Variants in CNTNAP5 observed in about 807,000 individuals in gnomAD.
The protein encoded by CNTNAP5 is contactin-associated protein-like 5.
CNTNAP5 carries 72 observed loss-of-function variants against 150.2 expected under a neutral mutation model. The ratio of observed to expected loss-of-function variants is 0.48; its 90% CI spans 0.40 to 0.58. CNTNAP5 has a LOEUF of 0.58. Among genes scored for constraint, CNTNAP5 ranks in the 20% least tolerant of loss-of-function variants. The pLI is 0.00. For synonymous variants in CNTNAP5, 672 were observed against 619.8 expected, an observed-to-expected ratio of 1.08 and a Z score of -1.25; for missense variants, 1,636 against 1,626.2, an observed-to-expected ratio of 1.01 and a Z score of -0.10.
chr2:124,545,138 T>A (rs1695482736), intron 10 of CNTNAP5, among the ~76,000 whole-genome samples: 1 of 152,178 alleles, frequency 6.6e-6, no homozygotes, highest in East Asian at 1.9e-4. Context: ...AAACACACAT[T>A]GTAATCTAAA....
intron 22 of CNTNAP5, among the ~76,000 whole-genome samples, chr2:124,905,698 G>A (rs1469471716): frequency 6.6e-6 from 1 of 152,136 alleles, no homozygotes; most frequent in Non-Finnish European, 1.5e-5. Context: ...AGAAGTGCTA[G>A]GGTTGGTCAG....
At chr2:124,909,834 T>TATATATATA (rs1319687549) in intron 22 of CNTNAP5, among the ~76,000 whole-genome samples, 6 of 130,434 alleles carry the variant, frequency 4.6e-5, no homozygotes, top group African/African-American at 1.6e-4. Flanking sequence ...GACATATATA[T>TATATATATA]ATATATATAT....
chr2:124,720,741 A>T (rs1376691437), intron 13 of CNTNAP5, among the ~76,000 whole-genome samples: 2 of 152,234 alleles, frequency 1.3e-5, no homozygotes, highest in Admixed American at 6.5e-5. Context: ...AATTTGCTAT[A>T]GCAAAGACAG....
chr2:124,658,653 T>G (rs1678509774), intron 13 of CNTNAP5, among the ~76,000 whole-genome samples: 1 of 152,224 alleles, frequency 6.6e-6, no homozygotes, highest in Non-Finnish European at 1.5e-5. Flanking sequence ...GGTATGAAAC[T>G]TCCCTAGGGT....
At chr2:124,606,207 T>C (rs1174026441) in intron 11 of CNTNAP5, among the ~76,000 whole-genome samples, 1 of 152,168 alleles carries the variant, frequency 6.6e-6, no homozygotes, top group Non-Finnish European at 1.5e-5. Flanking sequence ...ATTTACAATG[T>C]CATATCACCA....
At chr2:124,135,055 C>T (rs1010470788) in intron 1 of CNTNAP5, 13 of 152,168 alleles carry the variant, frequency 8.5e-5, no homozygotes, top group African/African-American at 3.1e-4. Context: ...CCATTTCTTT[C>T]CTTTACAAGC....
At chr2:124,564,496 C>T (rs1313714551) in intron 11 of CNTNAP5, among the ~76,000 whole-genome samples, 1 of 152,122 alleles carries the variant, frequency 6.6e-6, no homozygotes, top group East Asian at 1.9e-4. Flanking sequence ...TCTGGGATTA[C>T]AGGTGCACAC....
chr2:124,442,398 C>T (rs1692697568), intron 5 of CNTNAP5, among the ~76,000 whole-genome samples: 1 of 152,152 alleles, frequency 6.6e-6, no homozygotes, highest in Non-Finnish European at 1.5e-5. Context: ...AAATACCACC[C>T]TATCCAATTT....
At chr2:124,913,691 G>T (rs2104770966) in intron 23 of CNTNAP5, among the ~76,000 whole-genome samples, 1 of 152,154 alleles carries the variant, frequency 6.6e-6, no homozygotes, top group East Asian at 1.9e-4. Context: ...AGATGCTAAA[G>T]TAACTCTGAA....
chr2:124,561,631 A>G (rs544387497), intron 10 of CNTNAP5, among the ~76,000 whole-genome samples: 1 of 152,200 alleles, frequency 6.6e-6, no homozygotes, highest in South Asian at 2.1e-4. Context: ...CTATCGTTGA[A>G]TACCATAAAG....
intron 1 of CNTNAP5, among the ~76,000 whole-genome samples, chr2:124,157,961 G>T (rs1573799248): frequency 6.6e-6 from 1 of 152,150 alleles, no homozygotes; most frequent in Non-Finnish European, 1.5e-5. Context: ...AGAATAAACA[G>T]CTCATTTTAT....
chr2:124,519,580 C>A (rs1694808162), intron 8 of CNTNAP5, among the ~76,000 whole-genome samples: 1 of 152,198 alleles, frequency 6.6e-6, no homozygotes, highest in South Asian at 2.1e-4. Context: ...GCAGCCTCTC[C>A]ACTTTTCTCT....
intron 1 of CNTNAP5, among the ~76,000 whole-genome samples, chr2:124,104,051 A>G (rs1049859870): frequency 2.1e-4 from 31 of 148,522 alleles, no homozygotes; most frequent in Admixed American, 1.8e-3. Flanking sequence ...ATAAATCTAT[A>G]TTATATATAG....
intron 13 of CNTNAP5, among the ~76,000 whole-genome samples, chr2:124,652,219 C>G (rs1360886307): frequency 6.6e-6 from 1 of 152,208 alleles, no homozygotes; most frequent in East Asian, 1.9e-4. Context: ...GGGAAAGTGT[C>G]TTTGTGATTC....
intron 13 of CNTNAP5, among the ~76,000 whole-genome samples, chr2:124,652,051 G>A (rs1364213825): frequency 3.9e-5 from 6 of 152,156 alleles, no homozygotes; most frequent in Non-Finnish European, 5.9e-5. Flanking sequence ...TTCAGTTGGT[G>A]ACTGAACCAT....
chr2:124,686,111 T>A (rs1199227357), intron 13 of CNTNAP5, among the ~76,000 whole-genome samples: 1 of 152,126 alleles, frequency 6.6e-6, no homozygotes, highest in Non-Finnish European at 1.5e-5. Context: ...CTCCTACTCT[T>A]AAATAGAGAC....
chr2:124,610,949 C>T (rs1276220097), intron 12 of CNTNAP5, among the ~76,000 whole-genome samples: 3 of 49,054 alleles, frequency 6.1e-5, no homozygotes, highest in South Asian at 3.9e-3. Flanking sequence ...GGCGAGACAC[C>T]GTCTCAAAAA....
intron 5 of CNTNAP5, among the ~76,000 whole-genome samples, chr2:124,446,381 G>A (rs957150107): frequency 6.6e-6 from 1 of 152,048 alleles, no homozygotes; most frequent in Non-Finnish European, 1.5e-5. Context: ...CCCAGGCACG[G>A]CTCCTAATTG....
chr2:124,749,834 A>T (rs1006909143), intron 14 of CNTNAP5, among the ~76,000 whole-genome samples: 10 of 152,098 alleles, frequency 6.6e-5, no homozygotes, highest in Non-Finnish European at 1.5e-4. Flanking sequence ...CTTACTTGGG[A>T]ACAACTGACC....
Sources: allele counts gnomAD v4.1 joint callset (sites outside exome capture counted in the v4.1 genomes callset), GRCh38; gene constraint gnomAD v4.1.1; transcripts MANE v1.5; gene names NCBI Gene and HGNC (gene_info 2026-07-23, HGNC 2026-07-21).